Variants in GRAMD1B observed in about 807,000 individuals in gnomAD.
The protein encoded by GRAMD1B is protein Aster-B.
Under a neutral mutation model 99.7 loss-of-function variants are expected in GRAMD1B, and 37 were observed. The observed-to-expected ratio is 0.37, with a 90% CI of 0.29 to 0.49. GRAMD1B has a LOEUF of 0.49. Among genes scored for constraint, GRAMD1B ranks in the 20% least tolerant of loss-of-function variants. The probability of loss-of-function intolerance (pLI) is 0.98; values close to 1 mark genes in which losing one functional copy is unlikely to be tolerated. For missense variants in GRAMD1B, 888 were observed against 1,009.2 expected, an observed-to-expected ratio of 0.88 and a Z score of 1.63; for synonymous variants, 427 against 387.6, an observed-to-expected ratio of 1.10 and a Z score of -1.19.
chr11:123,394,367 C>T (rs190529919), intron 1 of GRAMD1B, among the ~76,000 whole-genome samples: 1 of 152,336 alleles, frequency 6.6e-6, no homozygotes, highest in Admixed American at 6.5e-5. Context: ...CAGGCTTTAA[C>T]ATATTCTTGC....
In GRAMD1B at chr11:123,408,506, A is replaced by G. The variant is rs529738628; in HGVS notation, c.-176+49707A>G. ...AGAATTCTATTTTATTTTTCACAGTAACTTGGATGAGTTGATGTGTAAATG... is the reference window on the plus strand; with the variant it reads ...AGAATTCTATTTTATTTTTCACAGTGACTTGGATGAGTTGATGTGTAAATG... On this transcript the variant is annotated intron_variant, in intron 1 of 20. Transcript: ENST00000638157. Among the ~76,000 whole-genome samples, 230 of 152,350 alleles carry G rather than the reference A, an allele frequency of 1.5e-3. 2 individuals carry two copies. Among genetic ancestry groups the G allele is most frequent in the South Asian group, 1.2e-3 (6 of 4,832 alleles).
chr11:123,393,544 A>G (rs1947353416), intron 1 of GRAMD1B, among the ~76,000 whole-genome samples: 1 of 152,184 alleles, frequency 6.6e-6, no homozygotes, highest in African/African-American at 2.4e-5. Flanking sequence ...TGGCTAATGC[A>G]TGCTGGCAAT....
At chr11:123,416,358 A>G (rs1948233012) in intron 1 of GRAMD1B, among the ~76,000 whole-genome samples, 1 of 152,202 alleles carries the variant, frequency 6.6e-6, no homozygotes, top group East Asian at 1.9e-4. Context: ...TAGTTCCTTT[A>G]GAAAAGGCAA....
chr11:123,598,022 T>G, intron 7 of GRAMD1B: 13 of 1,305,340 alleles, frequency 1.0e-5, no homozygotes, highest in Non-Finnish European at 1.4e-5. Context: ...ATATTCTTCC[T>G]CAGTGTCAGG....
chr11:123,367,977 C>T (rs572874247), intron 1 of GRAMD1B, among the ~76,000 whole-genome samples: 318 of 152,042 alleles, frequency 2.1e-3, no homozygotes, highest in African/African-American at 7.4e-3. Context: ...GAGCCAGGGC[C>T]GGGCACGGTG....
At chr11:123,527,776 G>A (rs984857583) in intron 2 of GRAMD1B, among the ~76,000 whole-genome samples, 7 of 152,144 alleles carry the variant, frequency 4.6e-5, no homozygotes, top group African/African-American at 1.2e-4. Context: ...CCTGCTGTCA[G>A]CACACCCAAC....
chr11:123,445,709 C>T (rs745630274), intron 1 of GRAMD1B, among the ~76,000 whole-genome samples: 3 of 147,052 alleles, frequency 2.0e-5, no homozygotes, highest in Non-Finnish European at 4.5e-5. Flanking sequence ...CTCAGCTACT[C>T]GGGAGGCTGA....
intron 1 of GRAMD1B, among the ~76,000 whole-genome samples, chr11:123,375,732 G>A (rs1193291474): frequency 6.6e-6 from 1 of 152,188 alleles, no homozygotes; most frequent in Non-Finnish European, 1.5e-5. Context: ...ACACCAGGGA[G>A]GTGATGTGAA....
At chr11:123,382,409 C>T (rs753235633) in intron 1 of GRAMD1B, among the ~76,000 whole-genome samples, 12 of 152,060 alleles carry the variant, frequency 7.9e-5, no homozygotes, top group Admixed American at 2.0e-4. Flanking sequence ...GTTGAGAACA[C>T]GAAGGTCCAT....
chr11:123,573,829 C>T (rs893153284), intron 2 of GRAMD1B, among the ~76,000 whole-genome samples: 7 of 152,010 alleles, frequency 4.6e-5, no homozygotes, highest in East Asian at 1.9e-4. Flanking sequence ...TCTTGATATT[C>T]GGAATTGGTA....
rs1202064645 is a variant in GRAMD1B, at chr11:123,544,608, T to TC, written c.453-32759_453-32758insC. On this transcript the variant is annotated intron_variant, in intron 2 of 19. Coordinates refer to ENST00000635736, the MANE Select transcript of GRAMD1B (RefSeq NM_001387025.1). ...TGCTAACTCTCCCTGGGAGGAAAAC[T>TC]TGAGATGCACAGGAGGTCCTGGGTT... Among the ~76,000 whole-genome samples, 5 of 152,272 alleles carry TC rather than the reference T, an allele frequency of 3.3e-5. No individual in the cohort carries two copies. In the East Asian group the frequency reaches 9.7e-4, roughly 29 times the overall value.
chr11:123,560,276 T>A, intron 2 of GRAMD1B: 1 of 1,125,830 alleles, frequency 8.9e-7, no homozygotes, highest in South Asian at 2.1e-5. Context: ...TCAGAACAGC[T>A]GTCTGTGAGG....
chr11:123,597,256 C>CTTTTT (rs71060518), intron 7 of GRAMD1B, among the ~76,000 whole-genome samples: 15 of 76,568 alleles, frequency 2.0e-4, no homozygotes, highest in African/African-American at 7.5e-4. Context: ...GCCACTATGC[C>CTTTTT]TTTTTTTTTT....
intron 2 of GRAMD1B, among the ~76,000 whole-genome samples, chr11:123,544,683 G>A (rs896958467): frequency 1.3e-5 from 2 of 152,228 alleles, no homozygotes; most frequent in African/African-American, 2.4e-5. Flanking sequence ...GCCCACAGCG[G>A]CGGTTGTCAT....
chr11:123,558,242 C>A (rs933057461), intron 2 of GRAMD1B, among the ~76,000 whole-genome samples: 3 of 152,088 alleles, frequency 2.0e-5, no homozygotes, highest in African/African-American at 7.2e-5. Flanking sequence ...CCTCTCCCTC[C>A]CAAACTGCTG....
intron 2 of GRAMD1B, among the ~76,000 whole-genome samples, chr11:123,512,369 T>A (rs1185208683): frequency 4.6e-5 from 7 of 152,120 alleles, no homozygotes; most frequent in Non-Finnish European, 1.0e-4. Context: ...AAGGTATGAT[T>A]TGGGGATTTT....
intron 2 of GRAMD1B, among the ~76,000 whole-genome samples, chr11:123,554,980 C>CTGGA (rs2135920278): frequency 6.6e-6 from 1 of 152,288 alleles, no homozygotes; most frequent in Non-Finnish European, 1.5e-5. Context: ...GGCACATAAG[C>CTGGA]TGGAAACTGC....
chr11:123,622,506 A>G lies in GRAMD1B; in HGVS notation c.2545A>G (p.Met849Val), dbSNP rs1452238751. Reference sequence around the variant, plus strand: ...TGGGGTGGGGTTTTCTGTCTTGCAGATGAAGGACTCGCTCATCAACCTTCA... The same window carrying G: ...TGGGGTGGGGTTTTCTGTCTTGCAGGTGAAGGACTCGCTCATCAACCTTCA... ...IKSSVMLLDQ[M>V]KDSLINLQNG... is the part of the protein sequence containing the mutation. The change falls in exon 20 of 20, where the codon ATG becomes GTG. Residue 849 changes from methionine (M) to valine (V), a missense_variant and splice_region_variant. Physicochemically the swap from Met to Val is conservative, Grantham distance 21 (BLOSUM62 1). Coordinates refer to ENST00000635736, the MANE Select transcript of GRAMD1B (RefSeq NM_001387025.1). 3.2e-6 allele frequency: 5 copies of G among 1,546,872 alleles called. No homozygotes were observed. Among genetic ancestry groups the G allele is most frequent in the South Asian group, 1.2e-5 (1 of 84,032 alleles).
At chr11:123,605,190 G>C (rs1045194329) in intron 9 of GRAMD1B, 132 bp from the exon 10 acceptor site, 16 of 578,718 alleles carry the variant, frequency 2.8e-5, no homozygotes, top group Non-Finnish European at 4.1e-5. Context: ...TTGGTTAGAG[G>C]AAGATCATAC....
Sources: gnomAD v4.1 joint callset for allele counts (sites outside exome capture counted in the v4.1 genomes callset) on GRCh38, gnomAD v4.1.1 for gene constraint, MANE v1.5 for transcripts, NCBI Gene and HGNC (gene_info 2026-07-23, HGNC 2026-07-21) for gene names.